Variants in PTPRD observed in about 807,000 individuals in gnomAD.
PTPRD encodes the protein protein tyrosine phosphatase receptor type D, also known as receptor-type tyrosine-protein phosphatase delta.
Under a neutral mutation model 214.5 loss-of-function variants are expected in PTPRD, and 34 were observed. That is an observed-to-expected ratio of 0.16 (90% CI 0.12 to 0.21). The LOEUF (loss-of-function observed/expected upper bound fraction) is 0.21. PTPRD is among the 10% of genes least tolerant of loss of function. PTPRD has a pLI of 1.00. For synonymous variants in PTPRD, 1,128 were observed against 845.7 expected, an observed-to-expected ratio of 1.33 and a Z score of -5.79; for missense variants, 2,545 against 2,398.7, an observed-to-expected ratio of 1.06 and a Z score of -1.27.
chr9:9,301,045 T>C (rs1955090884), intron 9 of PTPRD, among the ~76,000 whole-genome samples: 1 of 151,824 alleles, frequency 6.6e-6, no homozygotes, highest in Admixed American at 6.6e-5. Context: ...TTATTCAGTA[T>C]CTGGCACAAA....
chr9:8,502,848 G>GTATATATATA lies in PTPRD; in HGVS notation c.1822+1403_1822+1412dup, dbSNP rs556444172. Reference sequence around the variant, plus strand: ...GTCTATTCAATATGTATGTGTGTGTGTATATATATATATATACACACACAC... The same window carrying GTATATATATA: ...GTCTATTCAATATGTATGTGTGTGTGTATATATATATATATATATATATATACACACACAC... On this transcript the variant is annotated intron_variant, in intron 23 of 45. Transcript: ENST00000381196. 5.8e-3 allele frequency among the ~76,000 whole-genome samples: 851 copies of GTATATATATA among 147,136 alleles called. 5 individuals carry two copies. The highest frequency in any genetic ancestry group is 0.021 in the East Asian group (105 of 5,010).
At chr9:9,225,371 G>A (rs181590502) in intron 9 of PTPRD, among the ~76,000 whole-genome samples, 165 of 151,984 alleles carry the variant, frequency 1.1e-3, no homozygotes, top group Admixed American at 4.0e-3. Context: ...CATCTTTATC[G>A]AAGACCAACC....
At chr9:8,649,353 T>C (rs1009477244) in intron 12 of PTPRD, among the ~76,000 whole-genome samples, 29 of 152,200 alleles carry the variant, frequency 1.9e-4, no homozygotes, top group Admixed American at 9.8e-4. Flanking sequence ...TACCACAACT[T>C]ACAAAAACAT....
intron 2 of PTPRD, among the ~76,000 whole-genome samples, chr9:10,578,406 T>A (rs2070351919): frequency 6.6e-6 from 1 of 152,084 alleles, no homozygotes; most frequent in South Asian, 2.1e-4. Context: ...TTTAAATACC[T>A]TTATTTTAGG....
At chr9:10,387,624 C>G (rs1318137461) in intron 2 of PTPRD, among the ~76,000 whole-genome samples, 1 of 151,482 alleles carries the variant, frequency 6.6e-6, no homozygotes, top group Non-Finnish European at 1.5e-5. Flanking sequence ...CCCAGTAAAG[C>G]CTATTACTTA....
At chr9:8,444,141 T>C (rs2095641824) in intron 34 of PTPRD, among the ~76,000 whole-genome samples, 1 of 152,096 alleles carries the variant, frequency 6.6e-6, no homozygotes, top group African/African-American at 2.4e-5. Context: ...GGTGTCAAAA[T>C]ATATGGGCTC....
intron 5 of PTPRD, among the ~76,000 whole-genome samples, chr9:9,786,164 G>C (rs962805901): frequency 2.6e-5 from 4 of 152,006 alleles, no homozygotes; most frequent in Admixed American, 6.6e-5. Flanking sequence ...TCAAATTCAA[G>C]ACAAGCATTT....
chr9:9,796,150 C>T (rs1029486579), intron 5 of PTPRD, among the ~76,000 whole-genome samples: 1 of 151,636 alleles, frequency 6.6e-6, no homozygotes, highest in African/African-American at 2.4e-5. Flanking sequence ...AAGAGGATCC[C>T]CAAATGGATA....
At chr9:9,804,166 C>T (rs545406969) in intron 5 of PTPRD, among the ~76,000 whole-genome samples, 1 of 152,204 alleles carries the variant, frequency 6.6e-6, no homozygotes, top group Admixed American at 6.6e-5. Context: ...TATGTATACC[C>T]AGTCTCATCC....
intron 8 of PTPRD, among the ~76,000 whole-genome samples, chr9:9,521,550 G>C (rs191901119): frequency 5.9e-4 from 90 of 152,240 alleles, no homozygotes; most frequent in Non-Finnish European, 1.0e-3. Context: ...TCCTAGGAAT[G>C]CACTTTCTCT....
intron 10 of PTPRD, among the ~76,000 whole-genome samples, chr9:9,174,004 A>G (rs1316288523): frequency 6.6e-6 from 1 of 152,104 alleles, no homozygotes; most frequent in African/African-American, 2.4e-5. Flanking sequence ...ATAGACATAT[A>G]TTTTCTAGGC....
At chr9:8,737,470 AG>A (rs1466488288) in intron 11 of PTPRD, among the ~76,000 whole-genome samples, 1 of 152,156 alleles carries the variant, frequency 6.6e-6, no homozygotes, top group East Asian at 1.9e-4. Flanking sequence ...ACAGGATAAA[AG>A]AATATTATAA....
intron 2 of PTPRD, among the ~76,000 whole-genome samples, chr9:10,405,494 C>T (rs549780518): frequency 2.0e-5 from 3 of 149,182 alleles, no homozygotes; most frequent in East Asian, 2.0e-4. Flanking sequence ...CACAGTACAA[C>T]ATATATAGAA....
At chr9:8,726,790 G>C (rs1157835941) in intron 12 of PTPRD, among the ~76,000 whole-genome samples, 1 of 83,648 alleles carries the variant, frequency 1.2e-5, no homozygotes, top group Non-Finnish European at 2.3e-5. Context: ...GACAGAGTGA[G>C]ACTCCATCTC....
At chr9:9,030,642 C>T (rs2099602268) in intron 10 of PTPRD, among the ~76,000 whole-genome samples, 1 of 151,806 alleles carries the variant, frequency 6.6e-6, no homozygotes, top group Non-Finnish European at 1.5e-5. Flanking sequence ...TCACGGTTCT[C>T]CCAAGAATCC....
chr9:9,442,945 G>A (rs1383206903), intron 8 of PTPRD, among the ~76,000 whole-genome samples: 1 of 152,080 alleles, frequency 6.6e-6, no homozygotes, highest in Non-Finnish European at 1.5e-5. Context: ...GTTTACATAT[G>A]TTTATCCATA....
intron 11 of PTPRD, among the ~76,000 whole-genome samples, chr9:9,001,383 A>G (rs1040767035): frequency 7.2e-5 from 11 of 152,010 alleles, no homozygotes; most frequent in African/African-American, 2.2e-4. Context: ...AGTTACCTGT[A>G]CAAGTTTACA....
chr9:8,902,344 TC>T (rs1394630418), intron 11 of PTPRD, among the ~76,000 whole-genome samples: 2 of 121,414 alleles, frequency 1.6e-5, no homozygotes, highest in African/African-American at 3.0e-5. Flanking sequence ...TCTTTCTTTT[TC>T]TTTTTTTTTT....
chr9:9,759,546 A>G lies in PTPRD; in HGVS notation c.-326+7264T>C, dbSNP rs367836269. ...ATGATGCAAACATCTTCAAATAGTCAAGGTCTGTCTTTTTTTTTTTTTTTT... is the reference window on the plus strand; with the variant it reads ...ATGATGCAAACATCTTCAAATAGTCGAGGTCTGTCTTTTTTTTTTTTTTTT... On this transcript the variant is annotated intron_variant, in intron 6 of 45. Transcript: ENST00000381196. Among the ~76,000 whole-genome samples the G allele has an allele frequency of 3.4e-4, 50 of 145,370 alleles. 1 individual carries two copies. The highest frequency in any genetic ancestry group is 1.2e-3 in the African/African-American group (46 of 39,514).
Sources: gnomAD v4.1 joint callset for allele counts (sites outside exome capture counted in the v4.1 genomes callset) on GRCh38, gnomAD v4.1.1 for gene constraint, MANE v1.5 for transcripts, NCBI Gene and HGNC (gene_info 2026-07-23, HGNC 2026-07-21) for gene names.